CACUL1: variants seen among roughly 807,000 people sequenced by gnomAD.
CACUL1 encodes the protein CDK2-associated and cullin domain-containing protein 1.
CACUL1 carries 13 observed loss-of-function variants against 45.2 expected under a neutral mutation model. The ratio of observed to expected loss-of-function variants is 0.29; its 90% confidence interval spans 0.19 to 0.46. The LOEUF is 0.46. Ranked by LOEUF, CACUL1 falls within the 20% of genes least tolerant of loss-of-function variation. The probability of loss-of-function intolerance (pLI) is 1.00; values close to 1 mark genes in which losing one functional copy is unlikely to be tolerated. For missense variants in CACUL1, 421 were observed against 471.4 expected, an observed-to-expected ratio of 0.89 and a Z score of 0.99; for synonymous variants, 197 against 174.2, an observed-to-expected ratio of 1.13 and a Z score of -1.03.
chr10:118,686,844 A>AC, intron 7 of CACUL1: 1 of 555,774 alleles, frequency 1.8e-6, no homozygotes, highest in Non-Finnish European at 3.2e-6. Context: ...ACCTGTATTA[A>AC]CCAGTTCATC....
At chr10:118,687,340 T>A (rs1223727583) in intron 7 of CACUL1, among the ~76,000 whole-genome samples, 1 of 152,202 alleles carries the variant, frequency 6.6e-6, no homozygotes, top group Non-Finnish European at 1.5e-5. Flanking sequence ...ATGATTTATA[T>A]ACACTGGCAA....
chr10:118,689,343 G>A (rs1041464729), intron 7 of CACUL1, among the ~76,000 whole-genome samples: 2 of 152,172 alleles, frequency 1.3e-5, no homozygotes, highest in African/African-American at 2.4e-5. Context: ...CTTACTCTGT[G>A]CAAAGCACCT....
At chr10:118,744,311 G>A (rs564516200) in intron 1 of CACUL1, among the ~76,000 whole-genome samples, 11 of 152,220 alleles carry the variant, frequency 7.2e-5, no homozygotes, top group African/African-American at 9.6e-5. Context: ...GCTTGAGCCC[G>A]GGAGGTGGAG....
chr10:118,690,456 G>GC (rs1845253817), intron 7 of CACUL1, among the ~76,000 whole-genome samples: 1 of 152,034 alleles, frequency 6.6e-6, no homozygotes, highest in Non-Finnish European at 1.5e-5. Context: ...AATGCACTCT[G>GC]CAAGATTTTT....
intron 3 of CACUL1, among the ~76,000 whole-genome samples, chr10:118,718,763 C>T (rs1333440056): frequency 1.3e-5 from 2 of 151,642 alleles, no homozygotes; most frequent in African/African-American, 4.9e-5. Flanking sequence ...TTAGTAGAGA[C>T]GGGTTTTCAC....
intron 1 of CACUL1, among the ~76,000 whole-genome samples, chr10:118,733,542 A>G (rs1034576020): frequency 2.0e-5 from 3 of 152,232 alleles, no homozygotes; most frequent in African/African-American, 7.2e-5. Flanking sequence ...TTACTTGCTT[A>G]TCTCAACGCA....
intron 5 of CACUL1, 72 bp downstream of exon 5, chr10:118,701,234 C>T: frequency 1.1e-6 from 1 of 875,288 alleles, no homozygotes; most frequent in South Asian, 2.2e-5. Flanking sequence ...ACAATGCTCT[C>T]AGACCAAAAA....
intron 5 of CACUL1, 45 bp downstream of exon 5, chr10:118,701,261 G>T: frequency 9.5e-7 from 1 of 1,055,068 alleles, no homozygotes; most frequent in Non-Finnish European, 1.4e-6. Context: ...AAAAAGGAAA[G>T]ATCATTGCTA....
chr10:118,695,691 T>G (rs1410663323), intron 5 of CACUL1, among the ~76,000 whole-genome samples: 1 of 152,244 alleles, frequency 6.6e-6, no homozygotes, highest in Non-Finnish European at 1.5e-5. Flanking sequence ...TACTATTTTC[T>G]TACAAGAGCT....
At position 118,683,366 on chromosome 10, in the gene CACUL1, C is replaced by T. The variant is rs996981771; in HGVS notation, c.*2762G>A. On this transcript the variant is annotated 3_prime_UTR_variant, in exon 9 of 9. Transcript: ENST00000369151. ...CAGTATGTAATTGGGGTAGAAAAAC[C>T]ATATACTGTACTGGCAAGAATACAA... The T allele has an allele frequency of 8.2e-6, 1 of 122,088 alleles. No homozygotes were observed. Among genetic ancestry groups the T allele is most frequent in the Non-Finnish European group, 1.7e-5 (1 of 60,456 alleles). 7.6% of individuals were successfully genotyped at this position (122,088 alleles called of 1,614,324 possible).
intron 3 of CACUL1, among the ~76,000 whole-genome samples, chr10:118,718,918 C>T (rs993070455): frequency 6.6e-6 from 1 of 152,166 alleles, no homozygotes; most frequent in Non-Finnish European, 1.5e-5. Flanking sequence ...TTAAGCTAAA[C>T]TGTTCTTTTT....
intron 4 of CACUL1, among the ~76,000 whole-genome samples, chr10:118,706,454 G>A (rs1181761397): frequency 6.6e-6 from 1 of 152,166 alleles, no homozygotes; most frequent in African/African-American, 2.4e-5. Context: ...AATAGCCCAT[G>A]ATAGGATTTC....
At chr10:118,721,134 G>A (rs1461771916) in intron 3 of CACUL1, among the ~76,000 whole-genome samples, 1 of 152,232 alleles carries the variant, frequency 6.6e-6, no homozygotes, top group African/African-American at 2.4e-5. Flanking sequence ...AAGAGATTTA[G>A]AAATTAAAAC....
intron 3 of CACUL1, among the ~76,000 whole-genome samples, chr10:118,725,527 T>A (rs1845644166): frequency 6.6e-6 from 1 of 152,136 alleles, no homozygotes; most frequent in Admixed American, 6.5e-5. Flanking sequence ...TTTAAAAAAA[T>A]TAAGGCAAAA....
intron 1 of CACUL1, among the ~76,000 whole-genome samples, chr10:118,749,290 A>C (rs181858293): frequency 6.6e-6 from 1 of 152,368 alleles, no homozygotes; most frequent in Non-Finnish European, 1.5e-5. Context: ...ATGATTATTT[A>C]AAGAGGCAGC....
At chr10:118,746,481 C>T (rs1039252525) in intron 1 of CACUL1, among the ~76,000 whole-genome samples, 4 of 152,066 alleles carry the variant, frequency 2.6e-5, no homozygotes, top group African/African-American at 4.8e-5. Flanking sequence ...CAGACCTAAA[C>T]GTAAAAGCTA....
intron 1 of CACUL1, among the ~76,000 whole-genome samples, chr10:118,735,696 T>TTG (rs1845734158): frequency 6.6e-6 from 1 of 152,164 alleles, no homozygotes; most frequent in African/African-American, 2.4e-5. Context: ...AACAAAATGT[T>TTG]AAAAAGGTAG....
intron 5 of CACUL1, among the ~76,000 whole-genome samples, chr10:118,697,229 A>T (rs901575545): frequency 6.6e-6 from 1 of 152,214 alleles, no homozygotes; most frequent in Non-Finnish European, 1.5e-5. Context: ...AAGCTTTATC[A>T]TCTACCTTTT....
At chr10:118,747,536 C>CAA (rs3061057) in intron 1 of CACUL1, among the ~76,000 whole-genome samples, 28,191 of 77,480 alleles carry the variant, frequency 0.36, 3,836 homozygotes, top group Middle Eastern at 0.45. Flanking sequence ...TTTGGTAAAT[C>CAA]AAAAAAAAAA....
Sources: allele counts gnomAD v4.1 joint callset (sites outside exome capture counted in the v4.1 genomes callset), GRCh38; gene constraint gnomAD v4.1.1; transcripts MANE v1.5; gene names NCBI Gene and HGNC (gene_info 2026-07-23, HGNC 2026-07-21).